The following UBE2Q2 variants were observed in gnomAD, a reference collection of about 807,000 sequenced individuals.
The protein encoded by UBE2Q2 is ubiquitin-conjugating enzyme E2 Q2.
Under a neutral mutation model 59.9 loss-of-function variants are expected in UBE2Q2, and 54 were observed. That is an observed-to-expected ratio of 0.90 (90% CI 0.72 to 1.13). UBE2Q2 has a LOEUF of 1.13. Among genes scored for constraint, UBE2Q2 ranks in the 50% most tolerant of loss-of-function variants. UBE2Q2 has a pLI of 0.00. For synonymous variants in UBE2Q2, 165 were observed against 155.2 expected (o/e 1.06, Z -0.47); for missense variants, 433 against 441.9 (o/e 0.98, Z 0.18).
rs1047909970 is a variant in UBE2Q2, at chr15:75,862,277, G to A, written c.387+2295G>A. ...CCTGAGTTCTAAGAACCTTTTCTTC[G>A]CTGGTTATTTTTTATTCATATTCTA... On this transcript the variant is annotated intron_variant, in intron 3 of 12. Coordinates refer to ENST00000267938, the MANE Select transcript of UBE2Q2 (RefSeq NM_173469.4). 6.6e-5 allele frequency among the ~76,000 whole-genome samples: 10 copies of A among 152,014 alleles called. No individual in the cohort carries two copies. The South Asian group carries it at 8.3e-4, about 13-fold the overall frequency.
intron 6 of UBE2Q2, among the ~76,000 whole-genome samples, chr15:75,876,889 G>A (rs572449045): frequency 1.3e-5 from 2 of 152,198 alleles, no homozygotes; most frequent in South Asian, 4.1e-4. Flanking sequence ...GGGTGCGGTG[G>A]CTCACACTTA....
intron 1 of UBE2Q2, chr15:75,844,124 G>C (rs2134736): frequency 1.8e-5 from 26 of 1,415,258 alleles, no homozygotes; most frequent in Non-Finnish European, 2.4e-5. Context: ...CCCGAGGGGG[G>C]AGTCCGCGGC....
At chr15:75,869,086 T>A in intron 4 of UBE2Q2, 76 bp downstream of exon 4, 1 of 1,174,680 alleles carries the variant, frequency 8.5e-7, no homozygotes, top group Non-Finnish European at 1.2e-6. Context: ...AAATCTTTTT[T>A]ATAGACTACT....
At chr15:75,854,599 A>C in intron 2 of UBE2Q2, 112 bp downstream of exon 2, 1 of 641,226 alleles carries the variant, frequency 1.6e-6, no homozygotes, top group Non-Finnish European at 2.4e-6. Flanking sequence ...ATAATCTTGT[A>C]GGAATTAAAG....
At chr15:75,883,062 G>A (rs937707721) in intron 8 of UBE2Q2, among the ~76,000 whole-genome samples, 1 of 152,144 alleles carries the variant, frequency 6.6e-6, no homozygotes, top group Admixed American at 6.5e-5. Context: ...TTCTCAGTCA[G>A]AAGATTTATC....
chr15:75,878,134 G>T, intron 7 of UBE2Q2, 113 bp downstream of exon 7: 1 of 821,924 alleles, frequency 1.2e-6, no homozygotes. Context: ...TAGAACTTTA[G>T]ACTTTGTTTC....
intron 3 of UBE2Q2, among the ~76,000 whole-genome samples, chr15:75,867,073 T>C (rs1330580194): frequency 6.6e-6 from 1 of 152,206 alleles, no homozygotes; most frequent in Non-Finnish European, 1.5e-5. Flanking sequence ...TCTTTTCTAC[T>C]GTGGCCTCCC....
chr15:75,881,738 A>G (rs1469615068), intron 8 of UBE2Q2, among the ~76,000 whole-genome samples: 1 of 152,238 alleles, frequency 6.6e-6, no homozygotes, highest in Non-Finnish European at 1.5e-5. Context: ...GATAAAGCAT[A>G]ACACAAAGAT....
chr15:75,897,002 A>G lies in UBE2Q2; in HGVS notation c.1037A>G (p.Tyr346Cys), dbSNP rs374780683. ...RVQFGANKNQ[Y>C]NLARAQQSYN... ...TGTGTAATTCTCTTTCAGAATCAATATAATCTAGCAAGAGCCCAACAATCC... is the reference window on the plus strand; with the variant it reads ...TGTGTAATTCTCTTTCAGAATCAATGTAATCTAGCAAGAGCCCAACAATCC... The change falls in exon 12 of 13, where the codon TAT becomes TGT. Residue 346 changes from tyrosine (Y) to cysteine (C), a missense_variant. Transcript: ENST00000267938. 5.8e-6 allele frequency: 9 copies of G among 1,560,230 alleles called. No homozygotes were observed. Among genetic ancestry groups the G allele is most frequent in the South Asian group, 1.2e-5 (1 of 82,932 alleles).
chr15:75,896,327 T>C (rs1206471329), intron 11 of UBE2Q2, among the ~76,000 whole-genome samples: 1 of 152,192 alleles, frequency 6.6e-6, no homozygotes, highest in African/African-American at 2.4e-5. Context: ...GTGAATTTAT[T>C]ATGCAAAAAT....
chr15:75,844,948 G>C (rs1896255383), intron 1 of UBE2Q2, among the ~76,000 whole-genome samples: 1 of 151,390 alleles, frequency 6.6e-6, no homozygotes, highest in African/African-American at 2.4e-5. Context: ...GACTATCTGG[G>C]CAGAAGGTGT....
At chr15:75,898,464 C>T (rs914285225) in intron 12 of UBE2Q2, among the ~76,000 whole-genome samples, 4 of 152,078 alleles carry the variant, frequency 2.6e-5, no homozygotes, top group Non-Finnish European at 5.9e-5. Flanking sequence ...CTAAATCTAG[C>T]TAATTAACCT....
chr15:75,865,730 C>T (rs1286814210), intron 3 of UBE2Q2, among the ~76,000 whole-genome samples: 1 of 151,812 alleles, frequency 6.6e-6, no homozygotes, highest in Non-Finnish European at 1.5e-5. Context: ...GCTGTCTTTG[C>T]TTCTTATTGC....
intron 11 of UBE2Q2, chr15:75,895,424 C>G (rs1471976216): frequency 2.0e-5 from 3 of 151,974 alleles, no homozygotes; most frequent in Non-Finnish European, 4.4e-5. Context: ...CTCAGGTGAT[C>G]TACCTGCCTC....
intron 1 of UBE2Q2, among the ~76,000 whole-genome samples, chr15:75,849,878 T>G (rs1366564877): frequency 2.6e-5 from 4 of 152,206 alleles, no homozygotes; most frequent in Admixed American, 1.3e-4. Flanking sequence ...TGTATTGGGA[T>G]TTTTGAGCAC....
chr15:75,862,001 C>A (rs944980197), intron 3 of UBE2Q2, among the ~76,000 whole-genome samples: 1 of 152,208 alleles, frequency 6.6e-6, no homozygotes, highest in Admixed American at 6.5e-5. Flanking sequence ...CTCATCCTCT[C>A]GGGCCTCTTC....
intron 4 of UBE2Q2, among the ~76,000 whole-genome samples, chr15:75,871,277 C>G (rs937036556): frequency 1.3e-5 from 2 of 152,256 alleles, no homozygotes; most frequent in Non-Finnish European, 2.9e-5. Context: ...ATGGAACGTA[C>G]AATCGGGTTT....
intron 11 of UBE2Q2, among the ~76,000 whole-genome samples, chr15:75,891,421 G>A (rs1332909624): frequency 1.3e-5 from 2 of 150,208 alleles, no homozygotes; most frequent in African/African-American, 2.4e-5. Flanking sequence ...AAGCTTTTAT[G>A]TGCTAGGCTC....
chr15:75,852,348 T>C (rs1896673889), intron 1 of UBE2Q2, among the ~76,000 whole-genome samples: 1 of 152,200 alleles, frequency 6.6e-6, no homozygotes, highest in South Asian at 2.1e-4. Context: ...TTACAGCATA[T>C]GTCAACATGT....
Sources: gnomAD v4.1 joint callset for allele counts (sites outside exome capture counted in the v4.1 genomes callset) on GRCh38, gnomAD v4.1.1 for gene constraint, MANE v1.5 for transcripts, NCBI Gene and HGNC (gene_info 2026-07-23, HGNC 2026-07-21) for gene names.